The following ZNF385B variants were observed in gnomAD, a reference collection of about 807,000 sequenced individuals.
ZNF385B encodes the protein zinc finger protein 385B.
ZNF385B carries 23 observed loss-of-function variants against 39.2 expected under a neutral mutation model. The observed-to-expected ratio is 0.59, with a 90% CI of 0.42 to 0.83. ZNF385B has a LOEUF of 0.83. ZNF385B is among the 40% of genes least tolerant of loss of function. The pLI, the probability that ZNF385B is intolerant of heterozygous loss-of-function variation, is 0.00. For missense variants in ZNF385B, 552 were observed against 598.9 expected (o/e 0.92, Z 0.82); for synonymous variants, 205 against 222.6 (o/e 0.92, Z 0.70).
At chr2:179,761,994 A>T (rs1477815504) in intron 3 of ZNF385B, among the ~76,000 whole-genome samples, 1 of 151,972 alleles carries the variant, frequency 6.6e-6, no homozygotes, top group Non-Finnish European at 1.5e-5. Flanking sequence ...TTAGGAGAAA[A>T]ACATTCGGTC....
chr2:179,850,149 G>A (rs1709004357), intron 1 of ZNF385B, among the ~76,000 whole-genome samples: 1 of 152,150 alleles, frequency 6.6e-6, no homozygotes, highest in Non-Finnish European at 1.5e-5. Context: ...TGAAGTAATT[G>A]TTCAATCATC....
chr2:179,687,473 C>T (rs1698011885), intron 3 of ZNF385B, among the ~76,000 whole-genome samples: 1 of 152,160 alleles, frequency 6.6e-6, no homozygotes, highest in East Asian at 1.9e-4. Context: ...GCTTGCATTA[C>T]TTCAAGCTAT....
At chr2:179,701,828 G>A (rs1699225588) in intron 3 of ZNF385B, among the ~76,000 whole-genome samples, 2 of 152,140 alleles carry the variant, frequency 1.3e-5, no homozygotes. Flanking sequence ...TCCACTGGAA[G>A]CCATTCTGTC....
chr2:179,684,301 A>G (rs565959169), intron 3 of ZNF385B, among the ~76,000 whole-genome samples: 12 of 152,322 alleles, frequency 7.9e-5, no homozygotes, highest in East Asian at 1.9e-4. Context: ...GTGAACCACA[A>G]TCGGAGTGGT....
chr2:179,600,999 G>A lies in ZNF385B; in HGVS notation c.299-56030C>T, dbSNP rs531153022. On this transcript the variant is annotated intron_variant, in intron 3 of 9. Transcript: ENST00000410066. ...AAAGTTTTATAAATATATGTGGATA[G>A]AAAAGAGGACAAAGTGAAGGTGACA... is the stretch of plus-strand genomic sequence containing the variant. Among the ~76,000 whole-genome samples, 4 of 152,324 alleles carry A rather than the reference G, an allele frequency of 2.6e-5. No homozygotes were observed. In the South Asian group the frequency reaches 6.2e-4, roughly 24 times the overall value.
intron 3 of ZNF385B, among the ~76,000 whole-genome samples, chr2:179,657,531 A>C (rs1430254864): frequency 1.3e-5 from 2 of 152,258 alleles, no homozygotes; most frequent in African/African-American, 4.8e-5. Context: ...TAACCATTGA[A>C]GTAATTATAG....
chr2:179,662,049 T>C (rs770688778), intron 3 of ZNF385B, among the ~76,000 whole-genome samples: 3 of 152,176 alleles, frequency 2.0e-5, no homozygotes, highest in Non-Finnish European at 2.9e-5. Context: ...AGCCAGCATA[T>C]AAACAGGTGT....
chr2:179,474,135 G>T (rs1324174690), intron 6 of ZNF385B, among the ~76,000 whole-genome samples: 1 of 151,984 alleles, frequency 6.6e-6, no homozygotes, highest in Non-Finnish European at 1.5e-5. Context: ...GTAAAATAGG[G>T]TAGGGAAAGA....
chr2:179,593,714 T>C (rs1351988650), intron 3 of ZNF385B, among the ~76,000 whole-genome samples: 2 of 152,190 alleles, frequency 1.3e-5, no homozygotes, highest in Non-Finnish European at 2.9e-5. Context: ...TAGAGAAAGT[T>C]CTTACGCTTA....
chr2:179,585,633 G>C lies in ZNF385B; in HGVS notation c.299-40664C>G, dbSNP rs1450561166. ...TGAAAATCCTTCCTTGAATTGAGAG[G>C]TTTCAGTATGTAATCTAACAGTCTT... On this transcript the variant is annotated intron_variant, in intron 3 of 9. Coordinates refer to ENST00000410066, the MANE Select transcript of ZNF385B (RefSeq NM_152520.6). Among the ~76,000 whole-genome samples the C allele has an allele frequency of 2.0e-5, 3 of 152,140 alleles. No homozygotes were observed. In the East Asian group the frequency reaches 5.8e-4, roughly 29 times the overall value.
In ZNF385B at chr2:179,451,459, A is replaced by G. The variant is rs912488270; in HGVS notation, c.716-4689T>C. 3.9e-5 allele frequency among the ~76,000 whole-genome samples: 6 copies of G among 152,126 alleles called. No individual in the cohort carries two copies. The South Asian group carries it at 6.2e-4, about 16-fold the overall frequency. ...TGAGCCAGAAGGCAGAGAATATCTT[A>G]AAACTATTAAAACATATACTAAGGG... is the stretch of plus-strand genomic sequence containing the variant. On this transcript the variant is annotated intron_variant, in intron 6 of 9. Transcript: ENST00000410066.
chr2:179,813,342 G>T (rs1706852820), intron 1 of ZNF385B, among the ~76,000 whole-genome samples: 1 of 152,094 alleles, frequency 6.6e-6, no homozygotes, highest in South Asian at 2.1e-4. Flanking sequence ...CTATTTTGGG[G>T]CTTCCAATTT....
At chr2:179,624,884 T>C (rs1413291660) in intron 3 of ZNF385B, among the ~76,000 whole-genome samples, 3 of 152,224 alleles carry the variant, frequency 2.0e-5, no homozygotes, top group African/African-American at 7.2e-5. Flanking sequence ...TGTAATCTTA[T>C]ACTCTCTACC....
intron 5 of ZNF385B, among the ~76,000 whole-genome samples, chr2:179,491,248 A>G (rs2055190725): frequency 6.6e-6 from 1 of 152,244 alleles, no homozygotes; most frequent in Non-Finnish European, 1.5e-5. Flanking sequence ...AAGACTGCTT[A>G]ACTCTCCATT....
At chr2:179,779,002 T>C (rs560426651) in intron 1 of ZNF385B, among the ~76,000 whole-genome samples, 27 of 152,364 alleles carry the variant, frequency 1.8e-4, no homozygotes, top group African/African-American at 6.5e-4. Flanking sequence ...CAACACAGAC[T>C]TGCCAAGGGT....
chr2:179,486,687 G>A (rs1465290339), intron 5 of ZNF385B, among the ~76,000 whole-genome samples: 2 of 152,180 alleles, frequency 1.3e-5, no homozygotes, highest in Non-Finnish European at 2.9e-5. Context: ...GGCCCAGGAA[G>A]GAGTATCGCC....
intron 3 of ZNF385B, among the ~76,000 whole-genome samples, chr2:179,715,103 A>G (rs1700251637): frequency 6.6e-6 from 1 of 152,148 alleles, no homozygotes; most frequent in Non-Finnish European, 1.5e-5. Context: ...ACATCTATAC[A>G]CATGCAAGCC....
intron 3 of ZNF385B, among the ~76,000 whole-genome samples, chr2:179,595,624 CTT>C (rs71029821): frequency 6.9e-6 from 1 of 145,698 alleles, no homozygotes. Context: ...CCCAGATATT[CTT>C]TTTTTTTTTT....
At chr2:179,533,266 G>A (rs2059367037) in intron 4 of ZNF385B, among the ~76,000 whole-genome samples, 1 of 152,130 alleles carries the variant, frequency 6.6e-6, no homozygotes, top group Admixed American at 6.6e-5. Context: ...GTTCTTTTCT[G>A]AGGGAACTGA....
Sources: allele counts gnomAD v4.1 joint callset (sites outside exome capture counted in the v4.1 genomes callset), GRCh38; gene constraint gnomAD v4.1.1; transcripts MANE v1.5; gene names NCBI Gene and HGNC (gene_info 2026-07-23, HGNC 2026-07-21).